Variants in GSE1 observed in about 807,000 individuals in gnomAD.
The protein encoded by GSE1 is Gse1 coiled-coil protein, also known as genetic suppressor element 1.
In GSE1, 32 loss-of-function variants were observed where a neutral mutation model predicts 112.6. That is an observed-to-expected ratio of 0.28 (90% CI 0.21 to 0.38). The LOEUF (loss-of-function observed/expected upper bound fraction) is 0.38, where lower values mean the gene tolerates loss of function less well. Ranked by LOEUF, GSE1 falls within the 10% of genes least tolerant of loss-of-function variation. The pLI, the probability that GSE1 is intolerant of heterozygous loss-of-function variation, is 1.00. For synonymous variants in GSE1, 1,115 were observed against 735.6 expected (o/e 1.52, Z -8.35); for missense variants, 2,348 against 1,699.2 (o/e 1.38, Z -6.71).
At chr16:85,539,557 G>C (rs2044448991) in intron 2 of GSE1, among the ~76,000 whole-genome samples, 2 of 152,196 alleles carry the variant, frequency 1.3e-5, no homozygotes, top group African/African-American at 4.8e-5. Context: ...GGGGGTGCTT[G>C]TTTTGGCCTA....
At chr16:85,181,846 C>T (rs1485682697) in intron 1 of GSE1, among the ~76,000 whole-genome samples, 1 of 152,196 alleles carries the variant, frequency 6.6e-6, no homozygotes, top group Non-Finnish European at 1.5e-5. Flanking sequence ...AGGTTGAGGC[C>T]TGGATGTCCC....
chr16:85,672,198 T>C, intron 15 of GSE1: 1 of 575,356 alleles, frequency 1.7e-6, no homozygotes, highest in Admixed American at 2.4e-5. Flanking sequence ...TTTCCCCATG[T>C]TGGCCAGGCT....
chr16:85,187,697 G>C (rs1379054038), intron 1 of GSE1, among the ~76,000 whole-genome samples: 3 of 152,180 alleles, frequency 2.0e-5, no homozygotes, highest in African/African-American at 7.2e-5. Context: ...GCCTCAGCAG[G>C]TCACTCCATT....
intron 1 of GSE1, among the ~76,000 whole-genome samples, chr16:85,605,322 A>C (rs2151501916): frequency 6.6e-6 from 1 of 151,890 alleles, no homozygotes; most frequent in South Asian, 2.1e-4. Context: ...CGCTGCTCTC[A>C]CTCTAGGCCC....
intron 2 of GSE1, among the ~76,000 whole-genome samples, chr16:85,471,428 T>G (rs375130739): frequency 2.0e-4 from 30 of 152,340 alleles, no homozygotes; most frequent in African/African-American, 7.2e-4. Flanking sequence ...CTTTATTACT[T>G]GTTGAGGCAA....
At chr16:85,234,477 C>T (rs1288321514) in intron 1 of GSE1, among the ~76,000 whole-genome samples, 1 of 152,176 alleles carries the variant, frequency 6.6e-6, no homozygotes, top group Non-Finnish European at 1.5e-5. Context: ...TATTCTCTGC[C>T]CTGGAGACGG....
At chr16:85,204,901 CCACA>C (rs1218077083) in intron 1 of GSE1, among the ~76,000 whole-genome samples, 4 of 152,216 alleles carry the variant, frequency 2.6e-5, no homozygotes, top group Non-Finnish European at 5.9e-5. Context: ...TGGGGACAGA[CCACA>C]AGCTCAGAGT....
intron 1 of GSE1, among the ~76,000 whole-genome samples, chr16:85,209,387 G>C (rs924297782): frequency 6.6e-6 from 1 of 152,070 alleles, no homozygotes; most frequent in Non-Finnish European, 1.5e-5. Context: ...CCTGGCTCCC[G>C]TGCCCCCGCC....
chr16:85,356,429 C>T (rs1422502265), intron 1 of GSE1, among the ~76,000 whole-genome samples: 3 of 152,236 alleles, frequency 2.0e-5, no homozygotes, highest in Non-Finnish European at 2.9e-5. Context: ...GCCAGTGTTG[C>T]CAGGTCCCAG....
intron 2 of GSE1, among the ~76,000 whole-genome samples, chr16:85,361,630 G>A (rs944091109): frequency 1.2e-4 from 18 of 152,208 alleles, no homozygotes; most frequent in African/African-American, 3.6e-4. Context: ...GCCCAGGGCC[G>A]TCCGTTTCTG....
chr16:85,456,028 A>C (rs186027119), intron 2 of GSE1, among the ~76,000 whole-genome samples: 116 of 152,310 alleles, frequency 7.6e-4, no homozygotes, highest in Admixed American at 1.9e-3. Flanking sequence ...CAGGATACCC[A>C]GTTGTAAGTA....
chr16:85,669,099 C>G (rs904476536), intron 14 of GSE1, among the ~76,000 whole-genome samples: 14 of 152,262 alleles, frequency 9.2e-5, no homozygotes, highest in African/African-American at 3.4e-4. Context: ...GCATTTGATG[C>G]TCCTGTATAC....
At chr16:85,665,225 G>A (rs2052743978) in intron 12 of GSE1, 97 bp downstream of exon 12, 1 of 681,646 alleles carries the variant, frequency 1.5e-6, no homozygotes, top group East Asian at 2.7e-5. Context: ...CATTGTGAAT[G>A]TGGCCTCCTG....
chr16:85,261,071 C>T (rs1013501016), intron 1 of GSE1, among the ~76,000 whole-genome samples: 1 of 152,202 alleles, frequency 6.6e-6, no homozygotes, highest in African/African-American at 2.4e-5. Context: ...CTCTGGTCAC[C>T]AGGCCTCACC....
At chr16:85,586,940 G>A (rs1438347701) in intron 1 of GSE1, among the ~76,000 whole-genome samples, 1 of 152,240 alleles carries the variant, frequency 6.6e-6, no homozygotes, top group African/African-American at 2.4e-5. Context: ...CTGCCAGGGG[G>A]CTGGATGGAG....
intron 1 of GSE1, among the ~76,000 whole-genome samples, chr16:85,220,642 C>G (rs1308198681): frequency 1.4e-5 from 2 of 147,780 alleles, no homozygotes; most frequent in Non-Finnish European, 3.0e-5. Context: ...CGCTGCTGCC[C>G]GCTTGCCCTG....
intron 2 of GSE1, among the ~76,000 whole-genome samples, chr16:85,467,100 G>A (rs544733633): frequency 3.9e-5 from 6 of 152,346 alleles, no homozygotes; most frequent in East Asian, 1.9e-4. Flanking sequence ...CAGGGTAGGC[G>A]GTAGATGGCC....
At chr16:85,184,942 G>A (rs1254971860) in intron 1 of GSE1, among the ~76,000 whole-genome samples, 2 of 152,180 alleles carry the variant, frequency 1.3e-5, no homozygotes, top group Admixed American at 1.3e-4. Context: ...GAAGAGATTG[G>A]TGCTTGGTAG....
intron 2 of GSE1, among the ~76,000 whole-genome samples, chr16:85,480,136 A>G (rs1195656096): frequency 6.6e-6 from 1 of 152,200 alleles, no homozygotes; most frequent in East Asian, 1.9e-4. Flanking sequence ...GATGAAACTG[A>G]GGCACGGAGA....
Sources: allele counts gnomAD v4.1 joint callset (sites outside exome capture counted in the v4.1 genomes callset), GRCh38; gene constraint gnomAD v4.1.1; transcripts MANE v1.5; gene names NCBI Gene and HGNC (gene_info 2026-07-23, HGNC 2026-07-21).